Variants in HSF1 observed in about 807,000 individuals in gnomAD.
HSF1 encodes heat shock factor protein 1.
A neutral mutation model predicts 51.7 loss-of-function variants in HSF1; 32 were observed. That is an observed-to-expected ratio of 0.62 (90% confidence interval 0.47 to 0.83). HSF1 has a LOEUF of 0.83. HSF1 is among the 40% of genes least tolerant of loss of function. HSF1 has a pLI of 0.00. For missense variants in HSF1, 727 were observed against 717.0 expected (o/e 1.01, Z -0.16); for synonymous variants, 396 against 309.7 (o/e 1.28, Z -2.92).
intron 1 of HSF1, 126 bp from the exon 2 acceptor site, chr8:144,308,780 G>A: frequency 1.3e-6 from 1 of 766,338 alleles, no homozygotes; most frequent in Non-Finnish European, 2.3e-6. Flanking sequence ...GGCCTCCCAT[G>A]GCCCCAGCCC....
intron 1 of HSF1, among the ~76,000 whole-genome samples, chr8:144,304,850 G>T (rs1352356577): frequency 6.6e-6 from 1 of 151,464 alleles, no homozygotes; most frequent in East Asian, 1.9e-4. Flanking sequence ...CACCATGCTG[G>T]CCAGGCTGGA....
At chr8:144,312,802 C>A in intron 9 of HSF1, 1 of 1,225,418 alleles carries the variant, frequency 8.2e-7, no homozygotes, top group Non-Finnish European at 1.2e-6. Flanking sequence ...CCTGGCCGGG[C>A]ATGAGCGTCG....
intron 1 of HSF1, among the ~76,000 whole-genome samples, chr8:144,303,686 T>C (rs552579655): frequency 6.6e-6 from 1 of 152,270 alleles, no homozygotes; most frequent in Non-Finnish European, 1.5e-5. Context: ...AAGACCAGCC[T>C]GACCAACCTG....
chr8:144,298,100 ACTC>A (rs1315363962), intron 1 of HSF1, among the ~76,000 whole-genome samples: 1 of 151,512 alleles, frequency 6.6e-6, no homozygotes, highest in Non-Finnish European at 1.5e-5. Context: ...ATGACCGGTG[ACTC>A]CTCCAAGAGG....
At position 144,291,996 on chromosome 8, in the gene HSF1, G is replaced by A. The variant is rs552189331; in HGVS notation, c.117+122G>A. 15 of 482,486 alleles carry A rather than the reference G, an allele frequency of 3.1e-5. No individual in the cohort carries two copies. The East Asian group carries it at 5.3e-4, about 17-fold the overall frequency. 29.9% of individuals were successfully genotyped at this position (482,486 alleles called of 1,614,324 possible). On this transcript the variant is annotated intron_variant, in intron 1 of 12. Coordinates refer to ENST00000528838, the MANE Select transcript of HSF1 (RefSeq NM_005526.4). This position sits in a 1 kb window ranked among gnomAD's most constrained non-coding sequence, Gnocchi z 4.1. ...ACTTCAGCTTACGCGCGGTGAGCCT[G>A]CCCTGCCCCCGCCAGAGAAGGGCGG...
chr8:144,311,072 T>C (rs1288323934), intron 4 of HSF1, 102 bp from the exon 5 acceptor site: 1 of 1,116,720 alleles, frequency 9.0e-7, no homozygotes, highest in Non-Finnish European at 1.3e-6. Context: ...ATGGTCACAC[T>C]TACCCCTGCT....
Position 144,312,078 on chromosome 8 carries a change from TC to T in HSF1, c.980del (p.Pro327ArgfsTer50). 6.2e-7 allele frequency: 1 copy of T among 1,612,152 alleles called. No individual in the cohort carries two copies. Among genetic ancestry groups the T allele is most frequent in the Non-Finnish European group, 8.5e-7 (1 of 1,179,756 alleles). ...CCCATCTTCCGTGGACACCCTCTTG[TC>T]CCCGACCGCCCTCATTGACTCCATC... ...GRPSSVDTLL[S>X]PTALIDSILR... On this transcript the variant is annotated frameshift_variant, in exon 9 of 13. Coordinates refer to ENST00000528838, the MANE Select transcript of HSF1 (RefSeq NM_005526.4). LOFTEE classifies it high-confidence loss of function.
In HSF1 at chr8:144,314,436, C is replaced by T. The variant is rs1484646316; in HGVS notation, c.*106C>T. The T allele has an allele frequency of 3.2e-6, 3 of 941,346 alleles. No individual in the cohort carries two copies. Among genetic ancestry groups the T allele is most frequent in the African/African-American group, 3.3e-5 (2 of 60,576 alleles). 58.3% of individuals were successfully genotyped at this position (941,346 alleles called of 1,614,324 possible). On this transcript the variant is annotated 3_prime_UTR_variant, in exon 13 of 13. Coordinates refer to ENST00000528838, the MANE Select transcript of HSF1 (RefSeq NM_005526.4). The stretch of plus-strand genomic sequence containing the variant: ...GTCTTGGGCACTGGTGGGTCGGCCG[C>T]CATAGCCCCAGTAGGACAAACGGGC...
intron 1 of HSF1, among the ~76,000 whole-genome samples, chr8:144,295,151 TC>T (rs1244422611): frequency 6.6e-6 from 1 of 152,206 alleles, no homozygotes. Flanking sequence ...AGCTCCTCTG[TC>T]CACCAGCAGA....
chr8:144,306,549 G>A (rs1238957873), intron 1 of HSF1, among the ~76,000 whole-genome samples: 1 of 152,092 alleles, frequency 6.6e-6, no homozygotes, highest in African/African-American at 2.4e-5. Context: ...TTCTTCTAGA[G>A]ACGGGGTTTT....
At chr8:144,312,955 G>C in intron 9 of HSF1, 1 of 574,134 alleles carries the variant, frequency 1.7e-6, no homozygotes. Flanking sequence ...TCTGGTGTTG[G>C]CAGGATCCAG....
At position 144,312,757 on chromosome 8, in the gene HSF1, T is replaced by C. The variant is rs782015088; in HGVS notation, c.1142+513T>C. On this transcript the variant is annotated intron_variant, in intron 9 of 12. Transcript: ENST00000528838. ...GGAGGGAGGAGGGCTCTGCCAGCGC[T>C]CGGGCCCTCCCACACAGCCGTGGAC... 10 of 1,484,284 alleles carry C rather than the reference T, an allele frequency of 6.7e-6. No homozygotes were observed. In the South Asian group the frequency reaches 8.4e-5, roughly 13 times the overall value. The allele number at this position is 1,484,284 out of a possible 1,614,324, so 91.9% of individuals were successfully genotyped here. A position where few individuals can be genotyped will look rare whatever the true frequency, so the allele number is the denominator to read the frequency against.
intron 1 of HSF1, among the ~76,000 whole-genome samples, chr8:144,304,754 C>G (rs1554842992): frequency 6.6e-6 from 1 of 152,142 alleles, no homozygotes; most frequent in African/African-American, 2.4e-5. Flanking sequence ...TCAAGCAGTT[C>G]TTCTGCCTCA....
In HSF1 at chr8:144,314,158, T is replaced by C; in HGVS notation, c.1418T>C (p.Leu473Pro). The stretch of plus-strand genomic sequence containing the variant: ...CTGGTGCACTACACAGCGCAGCCGC[T>C]GTTCCTGCTGGACCCCGGCTCCGTG... ...KQLVHYTAQP[L>P]FLLDPGSVDT... The change falls in exon 13 of 13, where the codon CTG becomes CCG. Residue 473 changes from leucine to proline, a missense_variant. Coordinates refer to ENST00000528838, the MANE Select transcript of HSF1 (RefSeq NM_005526.4). The C allele has an allele frequency of 6.8e-7, 1 of 1,465,668 alleles. No homozygotes were observed. Among genetic ancestry groups the C allele is most frequent in the Non-Finnish European group, 9.1e-7 (1 of 1,101,950 alleles). The allele number at this position is 1,465,668 out of a possible 1,614,324, so 90.8% of individuals were successfully genotyped here.
intron 9 of HSF1, chr8:144,313,083 C>T (rs1816796294): frequency 1.0e-5 from 4 of 401,644 alleles, no homozygotes; most frequent in South Asian, 8.5e-5. Context: ...TTCTTGGTCA[C>T]AGCCACCAGA....
chr8:144,292,675 C>G (rs1436289960), intron 1 of HSF1: 1 of 152,286 alleles, frequency 6.6e-6, no homozygotes, highest in Non-Finnish European at 1.5e-5. Flanking sequence ...AGAAGGGCCA[C>G]ACTGGCCGAG....
At chr8:144,306,801 G>T (rs1407083054) in intron 1 of HSF1, among the ~76,000 whole-genome samples, 2 of 152,228 alleles carry the variant, frequency 1.3e-5, no homozygotes, top group African/African-American at 4.8e-5. Flanking sequence ...TAAAGGTTGC[G>T]TTCTTTCTTG....
chr8:144,312,335 CAG>C, intron 9 of HSF1, 91 bp downstream of exon 9: 1 of 1,028,492 alleles, frequency 9.7e-7, no homozygotes. Context: ...CTGAGCAGGG[CAG>C]CTGGCGAGGC....
intron 7 of HSF1, 44 bp downstream of exon 7, chr8:144,311,645 A>T (rs782669413): frequency 6.2e-7 from 1 of 1,611,940 alleles, no homozygotes; most frequent in Non-Finnish European, 8.5e-7. Context: ...TGCAGGCGGC[A>T]GTGGGGTGGG....
Sources: gnomAD v4.1 joint callset for allele counts (sites outside exome capture counted in the v4.1 genomes callset) on GRCh38, gnomAD v4.1.1 for gene constraint, Gnocchi (gnomAD v3.1) non-coding constraint, MANE v1.5 for transcripts, NCBI Gene and HGNC (gene_info 2026-07-23, HGNC 2026-07-21) for gene names.